The following NTRK2 variants were observed in gnomAD, a reference collection of about 807,000 sequenced individuals.
The protein encoded by NTRK2 is neurotrophic receptor tyrosine kinase 2.
In NTRK2, 13 loss-of-function variants were observed where a neutral mutation model predicts 94.5. The observed-to-expected ratio is 0.14, with a 90% CI of 0.09 to 0.22. The LOEUF is 0.22. Among genes scored for constraint, NTRK2 ranks in the 10% least tolerant of loss-of-function variants. The probability of loss-of-function intolerance (pLI) is 1.00; values close to 1 mark genes in which losing one functional copy is unlikely to be tolerated. For synonymous variants in NTRK2, 372 were observed against 407.4 expected (o/e 0.91, Z 1.05); for missense variants, 639 against 1,071.2 (o/e 0.60, Z 5.63).
Position 84,955,647 on chromosome 9 carries a change from C to T in NTRK2, c.2172+130C>T, listed in dbSNP as rs1824021597. 4.9e-6 allele frequency: 4 copies of T among 811,982 alleles called. No individual in the cohort carries two copies. In the Admixed American group the frequency reaches 6.0e-5, roughly 12 times the overall value. The allele number at this position is 811,982 out of a possible 1,614,324, so 50.3% of individuals were successfully genotyped here. ...GCTTAAACGACAGACATGTGTTTCT[C>T]ATGGCTCTGGAGGCTGGAAGTCCAA... On this transcript the variant is annotated intron_variant, in intron 17 of 18. Transcript: ENST00000277120.
At chr9:84,962,096 G>A (rs1296927749) in intron 17 of NTRK2, among the ~76,000 whole-genome samples, 2 of 151,902 alleles carry the variant, frequency 1.3e-5, no homozygotes, top group South Asian at 4.2e-4. Flanking sequence ...TCCTTTGGCA[G>A]TGTGGAGCCA....
At chr9:84,961,191 G>A (rs535910695) in intron 17 of NTRK2, among the ~76,000 whole-genome samples, 46 of 152,232 alleles carry the variant, frequency 3.0e-4, no homozygotes, top group African/African-American at 9.9e-4. Context: ...AATTTACAGG[G>A]CAAATCAGTT....
chr9:85,019,341 C>G (rs181251085), intron 17 of NTRK2, among the ~76,000 whole-genome samples: 571 of 152,266 alleles, frequency 3.8e-3, no homozygotes, highest in South Asian at 4.1e-3. Context: ...AAAGCAGAAC[C>G]TACCGCCACA....
chr9:84,758,413 CAG>C (rs2065261607), intron 12 of NTRK2, among the ~76,000 whole-genome samples: 1 of 151,920 alleles, frequency 6.6e-6, no homozygotes. Flanking sequence ...ATTATTGAGA[CAG>C]AGTTTCACTC....
At chr9:84,722,160 CTTTTTT>C (rs36100177) in intron 6 of NTRK2, among the ~76,000 whole-genome samples, 16 of 67,076 alleles carry the variant, frequency 2.4e-4, no homozygotes, top group African/African-American at 6.7e-4. Flanking sequence ...CTATTAGGGG[CTTTTTT>C]TTTTTTTTTT....
At chr9:84,870,329 G>GTA (rs1249656013) in intron 14 of NTRK2, among the ~76,000 whole-genome samples, 2 of 20,554 alleles carry the variant, frequency 9.7e-5, no homozygotes, top group Non-Finnish European at 2.6e-4. Context: ...GGGTGTGTGT[G>GTA]TGTATATATA....
intron 2 of NTRK2, among the ~76,000 whole-genome samples, chr9:84,682,659 C>T (rs1194790877): frequency 1.3e-5 from 2 of 152,150 alleles, no homozygotes; most frequent in Non-Finnish European, 2.9e-5. Context: ...CTCAGCTCCC[C>T]TCTCCAATAA....
intron 12 of NTRK2, among the ~76,000 whole-genome samples, chr9:84,809,495 G>T (rs1235028666): frequency 2.0e-5 from 3 of 150,134 alleles, no homozygotes; most frequent in Non-Finnish European, 3.0e-5. Context: ...TGCTATATAA[G>T]TTATATAATG....
intron 12 of NTRK2, among the ~76,000 whole-genome samples, chr9:84,829,543 C>A (rs145681620): frequency 1.2e-4 from 18 of 152,274 alleles, no homozygotes; most frequent in African/African-American, 4.1e-4. Flanking sequence ...TTGTGCTCTC[C>A]AGGCCTTCTC....
intron 14 of NTRK2, among the ~76,000 whole-genome samples, chr9:84,879,402 AT>A (rs1233132059): frequency 6.6e-6 from 1 of 152,204 alleles, no homozygotes; most frequent in Non-Finnish European, 1.5e-5. Context: ...AGTATTTGAG[AT>A]TTAAAATATT....
chr9:85,007,423 A>G (rs1002416895), intron 17 of NTRK2, among the ~76,000 whole-genome samples: 1 of 152,218 alleles, frequency 6.6e-6, no homozygotes, highest in Admixed American at 6.5e-5. Context: ...AGCCATTCTG[A>G]TGACTTTTAA....
At chr9:85,017,392 A>C (rs1287322603) in intron 17 of NTRK2, among the ~76,000 whole-genome samples, 1 of 152,220 alleles carries the variant, frequency 6.6e-6, no homozygotes, top group Non-Finnish European at 1.5e-5. Context: ...AGTAGGAAAC[A>C]GGTAAGTGAG....
chr9:84,883,177 C>G (rs1317516226), intron 14 of NTRK2, among the ~76,000 whole-genome samples: 4 of 152,148 alleles, frequency 2.6e-5, no homozygotes, highest in Non-Finnish European at 4.4e-5. Context: ...AGTCCCCAGA[C>G]GATTAGGATA....
intron 12 of NTRK2, chr9:84,810,780 A>G (rs1182457071): frequency 2.0e-5 from 28 of 1,423,732 alleles, no homozygotes; most frequent in Non-Finnish European, 2.4e-5. Flanking sequence ...GGGAACACCA[A>G]TGCAGAGGTA....
chr9:84,732,749 G>A (rs2062978296), intron 9 of NTRK2, among the ~76,000 whole-genome samples: 1 of 152,178 alleles, frequency 6.6e-6, no homozygotes. Flanking sequence ...AGATGACAGG[G>A]TAGTTGGCTC....
At chr9:84,977,560 C>T (rs1374060391) in intron 17 of NTRK2, among the ~76,000 whole-genome samples, 1 of 152,134 alleles carries the variant, frequency 6.6e-6, no homozygotes, top group Non-Finnish European at 1.5e-5. Context: ...GTGGAAGAAC[C>T]TTGAGTGTTG....
intron 2 of NTRK2, among the ~76,000 whole-genome samples, chr9:84,694,401 C>CCACTA (rs773401921): frequency 5.3e-5 from 8 of 152,198 alleles, no homozygotes; most frequent in Non-Finnish European, 1.0e-4. Context: ...GCTGAAAATG[C>CCACTA]CACTGCTCAA....
At chr9:84,892,670 C>T (rs2076628965) in intron 14 of NTRK2, among the ~76,000 whole-genome samples, 1 of 152,224 alleles carries the variant, frequency 6.6e-6, no homozygotes, top group Non-Finnish European at 1.5e-5. Context: ...CCTGCAATCC[C>T]AACACTTTGG....
intron 9 of NTRK2, among the ~76,000 whole-genome samples, chr9:84,729,121 A>C (rs1015693151): frequency 3.3e-5 from 5 of 152,184 alleles, no homozygotes; most frequent in African/African-American, 1.2e-4. Flanking sequence ...CCCACCAGCA[A>C]AGGTGATCCA....
Sources: gnomAD v4.1 joint callset for allele counts (sites outside exome capture counted in the v4.1 genomes callset) on GRCh38, gnomAD v4.1.1 for gene constraint, MANE v1.5 for transcripts, NCBI Gene and HGNC (gene_info 2026-07-23, HGNC 2026-07-21) for gene names.